The following ARL10 variants were observed in gnomAD, a reference collection of about 807,000 sequenced individuals.
ARL10 encodes ADP-ribosylation factor-like protein 10.
In ARL10, 23 loss-of-function variants were observed where a neutral mutation model predicts 26.1. That is an observed-to-expected ratio of 0.88 (90% CI 0.63 to 1.25). ARL10 has a LOEUF of 1.25. Among genes scored for constraint, ARL10 ranks in the 50% most tolerant of loss-of-function variants. The probability of loss-of-function intolerance (pLI) is 0.00; values close to 1 mark genes in which losing one functional copy is unlikely to be tolerated. For synonymous variants in ARL10, 138 were observed against 149.1 expected (o/e 0.93, Z 0.54); for missense variants, 300 against 323.6 (o/e 0.93, Z 0.56).
chr5:176,404,786 G>A (rs954910651), downstream of ARL10, among the ~76,000 whole-genome samples: 1 of 152,146 alleles, frequency 6.6e-6, no homozygotes, highest in South Asian at 2.1e-4. Context: ...GGTGAACCCC[G>A]GAATGAGTGA....
chr5:176,388,623 C>T (rs1288413536), exon 2 of ARL10: 1 of 1,404,772 alleles, frequency 7.1e-7, no homozygotes, highest in African/African-American at 1.4e-5. Context: ...GGAAGGCGTG[C>T]ACAAGGCTTT....
At chr5:176,392,612 A>T, downstream of ARL10, 1 of 708,516 alleles carries the variant, frequency 1.4e-6, no homozygotes, top group Non-Finnish European at 2.3e-6. This position sits in a 1 kb window ranked among gnomAD's most constrained non-coding sequence, Gnocchi z 5.2. Flanking sequence ...GGAGGGAGCG[A>T]GGCGTGATGG....
chr5:176,401,622 T>C, intron 1 of ARL10: 2 of 424,068 alleles, frequency 4.7e-6, no homozygotes, highest in African/African-American at 2.0e-5. Context: ...GACCTCAGCC[T>C]TTAGGTCTAT....
chr5:176,404,369 G>T (rs772054720), downstream of ARL10, among the ~76,000 whole-genome samples: 1 of 152,254 alleles, frequency 6.6e-6, no homozygotes, highest in Non-Finnish European at 1.5e-5. Context: ...TTTGTGAGAA[G>T]CGTCCGGGGC....
downstream of ARL10, chr5:176,389,194 C>G: frequency 8.7e-7 from 1 of 1,145,974 alleles, no homozygotes; most frequent in Non-Finnish European, 1.2e-6. Flanking sequence ...ACTAGGAAGA[C>G]CTCGACTCGA....
the ARL10 span, among the ~76,000 whole-genome samples, chr5:176,413,868 T>C: frequency 2.0e-5 from 3 of 152,172 alleles, no homozygotes; most frequent in Admixed American, 2.0e-4. Context: ...TCAGCAGGTA[T>C]GCGCCTGGGA....
chr5:176,386,051 A>G (rs1269651474), downstream of ARL10: 1 of 152,690 alleles, frequency 6.5e-6, no homozygotes, highest in Non-Finnish European at 1.5e-5. Flanking sequence ...GAGTTGTTTA[A>G]TGGGTATAGT....
chr5:176,397,097 T>C (rs1232571191), intron 1 of ARL10, among the ~76,000 whole-genome samples: 1 of 152,156 alleles, frequency 6.6e-6, no homozygotes, highest in Non-Finnish European at 1.5e-5. Flanking sequence ...TGTGTGTTTT[T>C]CTCCTCTGCG....
At chr5:176,382,225 T>G (rs1755571239), downstream of ARL10, among the ~76,000 whole-genome samples, 1 of 152,222 alleles carries the variant, frequency 6.6e-6, no homozygotes, top group African/African-American at 2.4e-5. Flanking sequence ...TATGACTTTG[T>G]GATTCAGGAG....
At position 176,372,686 on chromosome 5, in the gene ARL10, C is replaced by G. The variant is rs543230477; in HGVS notation, c.*791C>G. On this transcript the variant is annotated 3_prime_UTR_variant, in exon 4 of 4. Transcript: ENST00000310389. The stretch of plus-strand genomic sequence containing the variant: ...TAATCTGGAGACAAGCTGCTGCTCT[C>G]GTACTAACTGTGCCAGTGCCCATGT... 2.9e-4 allele frequency: 114 copies of G among 386,920 alleles called. No individual in the cohort carries two copies. The highest frequency in any genetic ancestry group is 2.1e-3 in the African/African-American group (104 of 48,522). 24.0% of individuals were successfully genotyped at this position (386,920 alleles called of 1,614,324 possible). A position where few individuals can be genotyped will look rare whatever the true frequency, so the allele number is the denominator to read the frequency against.
chr5:176,402,119 GT>G (rs762698100), downstream of ARL10, among the ~76,000 whole-genome samples: 2 of 152,060 alleles, frequency 1.3e-5, no homozygotes, highest in Non-Finnish European at 2.9e-5. Context: ...CCTGGGCAAC[GT>G]GGTAAAACCC....
At chr5:176,411,010 C>G in the ARL10 span, among the ~76,000 whole-genome samples, 1 of 152,216 alleles carries the variant, frequency 6.6e-6, no homozygotes, top group Non-Finnish European at 1.5e-5. Flanking sequence ...TCAGCCCCAG[C>G]CCAGGACCTC....
downstream of ARL10, among the ~76,000 whole-genome samples, chr5:176,403,022 C>T (rs1756901703): frequency 6.6e-6 from 1 of 151,644 alleles, no homozygotes; most frequent in South Asian, 2.1e-4. Flanking sequence ...TCCTTCAGGG[C>T]CCGCCATCTC....
rs1450382261 is a variant in ARL10 at position 176,378,494 on chromosome 5, A to C, written c.*6599A>C. 1 of 152,206 alleles carries C rather than the reference A, an allele frequency of 6.6e-6. No individual in the cohort carries two copies. Among genetic ancestry groups the C allele is most frequent in the Non-Finnish European group, 1.5e-5 (1 of 68,038 alleles). 9.4% of individuals were successfully genotyped at this position (152,206 alleles called of 1,614,324 possible). On this transcript the variant is annotated 3_prime_UTR_variant, in exon 4 of 4. Coordinates refer to ENST00000310389, the MANE Select transcript of ARL10 (RefSeq NM_173664.6). ...ATAGGGGCTCCACTAGAAGTGAGAA[A>C]CCCTCTTTGTTTCCATAACATGCCA...
downstream of ARL10, chr5:176,385,843 A>C (rs189743236): frequency 6.5e-6 from 1 of 153,430 alleles, no homozygotes; most frequent in East Asian, 1.9e-4. Flanking sequence ...AAAAGCCAGG[A>C]TGTGGAGCCA....
downstream of ARL10, among the ~76,000 whole-genome samples, chr5:176,382,296 T>C (rs2113569179): frequency 6.6e-6 from 1 of 152,272 alleles, no homozygotes; most frequent in African/African-American, 2.4e-5. Flanking sequence ...CTCAGAACGA[T>C]CTAGCCTGGG....
At chr5:176,390,417 T>G (rs1756224945), downstream of ARL10, among the ~76,000 whole-genome samples, 1 of 151,948 alleles carries the variant, frequency 6.6e-6, no homozygotes, top group Non-Finnish European at 1.5e-5. Flanking sequence ...TCTATGGGGC[T>G]CCACTGATCT....
chr5:176,406,824 T>G, downstream of ARL10: 1 of 727,568 alleles, frequency 1.4e-6, no homozygotes, highest in Non-Finnish European at 1.9e-6. Context: ...AGACCTGCTA[T>G]GCTCAATCCT....
At chr5:176,409,934 C>T in the ARL10 span, among the ~76,000 whole-genome samples, 37 of 152,158 alleles carry the variant, frequency 2.4e-4, no homozygotes, top group African/African-American at 8.2e-4. Context: ...TTCTGCCTCC[C>T]GTCAGTGGTG....
Sources: allele counts gnomAD v4.1 joint callset (sites outside exome capture counted in the v4.1 genomes callset), GRCh38; gene constraint gnomAD v4.1.1; non-coding constraint Gnocchi (gnomAD v3.1); transcripts MANE v1.5; gene names NCBI Gene and HGNC (gene_info 2026-07-23, HGNC 2026-07-21).